The following AFF4 variants were observed in gnomAD, a reference collection of about 807,000 sequenced individuals.
AFF4 encodes the protein AF4/FMR2 family member 4.
AFF4 carries 13 observed loss-of-function variants against 124.8 expected under a neutral mutation model. The observed-to-expected ratio is 0.10, with a 90% CI of 0.07 to 0.17. The LOEUF (loss-of-function observed/expected upper bound fraction) is 0.17, where lower values mean the gene tolerates loss of function less well. Ranked by LOEUF, AFF4 falls within the 10% of genes least tolerant of loss-of-function variation. AFF4 has a pLI of 1.00. For missense variants in AFF4, 1,092 were observed against 1,403.8 expected (o/e 0.78, Z 3.55); for synonymous variants, 477 against 496.1 (o/e 0.96, Z 0.51).
chr5:132,956,633 GAAAA>G (rs745801334), intron 1 of AFF4, among the ~76,000 whole-genome samples: 1 of 94,562 alleles, frequency 1.1e-5, no homozygotes, highest in Admixed American at 1.2e-4. Context: ...CTCCATCTCA[GAAAA>G]AAAAAAAAAA....
At chr5:132,891,774 C>A in intron 13 of AFF4, 1 of 261,778 alleles carries the variant, frequency 3.8e-6, no homozygotes. Flanking sequence ...CTTCCATAAC[C>A]AACTTTTCCA....
At position 132,875,759 on chromosome 5, in the gene AFF4, G is replaced by A; in HGVS notation, c.*5300C>T. 4.8e-6 allele frequency: 1 copy of A among 206,338 alleles called. No individual in the cohort carries two copies. Among genetic ancestry groups the A allele is most frequent in the East Asian group, 7.4e-5 (1 of 13,458 alleles). The allele number at this position is 206,338 out of a possible 1,614,324, so 12.8% of individuals were successfully genotyped here. A position where few individuals can be genotyped will look rare whatever the true frequency, so the allele number is the denominator to read the frequency against. On this transcript the variant is annotated 3_prime_UTR_variant, in exon 21 of 21. Coordinates refer to ENST00000265343, the MANE Select transcript of AFF4 (RefSeq NM_014423.4). ...TGAGCCCCAAAGTACCTCTGAAATTGTAATGTATTGCAACAAATAAAAATC... is the reference window on the plus strand; with the variant it reads ...TGAGCCCCAAAGTACCTCTGAAATTATAATGTATTGCAACAAATAAAAATC...
At position 132,897,071 on chromosome 5, in the gene AFF4, C is replaced by A. The variant is rs758589934; in HGVS notation, c.1559G>T (p.Gly520Val). Residue 520 changes from glycine to valine, a missense_variant, in exon 11 of 21, where the codon GGA (glycine) becomes GTA (valine). Transcript: ENST00000265343. ...AGTAGCGGAACTCGTTTCTTTAGGT[C>A]CACTTGTATCAGTGTAGCTATTCCC... ...GTGNSYTDTS[G>V]PKETSSATPG... The A allele has an allele frequency of 8.1e-6, 13 of 1,614,150 alleles. No individual in the cohort carries two copies. Among genetic ancestry groups the A allele is most frequent in the Non-Finnish European group, 9.3e-6 (11 of 1,180,020 alleles).
At chr5:132,916,039 G>A (rs955771310) in intron 5 of AFF4, among the ~76,000 whole-genome samples, 2 of 151,850 alleles carry the variant, frequency 1.3e-5, no homozygotes, top group East Asian at 1.9e-4. Flanking sequence ...TGGATCACGA[G>A]TTCAGGACCA....
Position 132,886,379 on chromosome 5 carries a change from G to A in AFF4, c.3030C>T (p.Tyr1010=). The change falls in exon 18 of 21, where the codon TAC becomes TAT. Residue 1010 remains tyrosine, a synonymous_variant. Coordinates refer to ENST00000265343, the MANE Select transcript of AFF4 (RefSeq NM_014423.4). The part of the protein sequence containing the change: ...VLCLRCESLL[Y]LRLFKLKKEN... ...CCTTCTTCAGTTTGAACAGCCTCAG[G>A]TACAGCAAAGACTCGCATCGCAGGC... The A allele has an allele frequency of 6.2e-7, 1 of 1,614,110 alleles. No homozygotes were observed. Among genetic ancestry groups the A allele is most frequent in the Non-Finnish European group, 8.5e-7 (1 of 1,180,032 alleles).
At chr5:132,912,158 T>C (rs572620669) in intron 5 of AFF4, among the ~76,000 whole-genome samples, 1 of 139,556 alleles carries the variant, frequency 7.2e-6, no homozygotes, top group South Asian at 2.3e-4. Context: ...TTCGAGATTG[T>C]CTCTACTAAA....
chr5:132,909,665 ACTC>A (rs200312456), intron 5 of AFF4, among the ~76,000 whole-genome samples: 1,701 of 152,072 alleles, frequency 0.011, 13 homozygotes, highest in South Asian at 0.03. Flanking sequence ...ATTCAGATTC[ACTC>A]CTCATTTCAT....
chr5:132,947,591 T>G (rs1475150504), intron 1 of AFF4, among the ~76,000 whole-genome samples: 1 of 152,144 alleles, frequency 6.6e-6, no homozygotes, highest in Non-Finnish European at 1.5e-5. Context: ...ACTCTGAAAG[T>G]CAAAATGAGA....
In AFF4 at chr5:132,912,789, T is replaced by C. The variant is rs1293880918; in HGVS notation, c.1051-8385A>G. ...GGGAGAAATGCAAGTATAATGACAA[T>C]AGGGTCTTATACAGCAGAAAAGGAT... is the stretch of plus-strand genomic sequence containing the variant. On this transcript the variant is annotated intron_variant, in intron 5 of 20. Coordinates refer to ENST00000265343, the MANE Select transcript of AFF4 (RefSeq NM_014423.4). Among the ~76,000 whole-genome samples, 5 of 151,692 alleles carry C rather than the reference T, an allele frequency of 3.3e-5. No individual in the cohort carries two copies. The South Asian group carries it at 8.3e-4, about 25-fold the overall frequency.
Position 132,963,586 on chromosome 5 carries a change from T to C in AFF4, c.-332A>G. 1 of 397,544 alleles carries C rather than the reference T, an allele frequency of 2.5e-6. No individual in the cohort carries two copies. Among genetic ancestry groups the C allele is most frequent in the Non-Finnish European group, 4.4e-6 (1 of 225,406 alleles). 24.6% of individuals were successfully genotyped at this position (397,544 alleles called of 1,614,324 possible). The stretch of plus-strand genomic sequence containing the variant: ...GCACCAGGATCCCCGCCCCGTCCGC[T>C]GGCGGCGGCGACGGCAGCTGGACTC... On this transcript the variant is annotated 5_prime_UTR_variant, in exon 1 of 21. Coordinates refer to ENST00000265343, the MANE Select transcript of AFF4 (RefSeq NM_014423.4).
chr5:132,944,377 T>C (rs1443106355), intron 1 of AFF4, among the ~76,000 whole-genome samples: 1 of 150,140 alleles, frequency 6.7e-6, no homozygotes, highest in Non-Finnish European at 1.5e-5. Context: ...TCAGGCACGG[T>C]GGTTCACACC....
At chr5:132,956,831 C>A (rs1761970748) in intron 1 of AFF4, among the ~76,000 whole-genome samples, 1 of 151,036 alleles carries the variant, frequency 6.6e-6, no homozygotes, top group African/African-American at 2.4e-5. Context: ...ACCAGCCTGA[C>A]CAACATGGTG....
chr5:132,890,368 C>CCCCT (rs895063840), intron 13 of AFF4, among the ~76,000 whole-genome samples: 2 of 151,900 alleles, frequency 1.3e-5, no homozygotes, highest in African/African-American at 4.8e-5. Context: ...CTCCTGGGCT[C>CCCCT]AAGCGATCCT....
At chr5:132,914,729 C>CTCTA (rs1356713309) in intron 5 of AFF4, among the ~76,000 whole-genome samples, 1 of 151,944 alleles carries the variant, frequency 6.6e-6, no homozygotes, top group East Asian at 1.9e-4. Flanking sequence ...AACTGACAAT[C>CTCTA]TCTAGCCAGG....
chr5:132,930,027 T>G (rs1014412321), intron 4 of AFF4, among the ~76,000 whole-genome samples: 1 of 152,210 alleles, frequency 6.6e-6, no homozygotes, highest in African/African-American at 2.4e-5. Flanking sequence ...AAATTAGAGA[T>G]ATTTAGGATT....
At position 132,897,077 on chromosome 5, in the gene AFF4, G is replaced by T. The variant is rs748693344; in HGVS notation, c.1553C>A (p.Thr518Lys). 3 of 1,614,028 alleles carry T rather than the reference G, an allele frequency of 1.9e-6. No individual in the cohort carries two copies. Among genetic ancestry groups the T allele is most frequent in the Admixed American group, 1.7e-5 (1 of 59,996 alleles). ...EQGTGNSYTDTSGPKETSSAT... is the reference protein window; with the variant it reads ...EQGTGNSYTDKSGPKETSSAT... ...GGAACTCGTTTCTTTAGGTCCACTT[G>T]TATCAGTGTAGCTATTCCCAGTGCC... Residue 518 changes from threonine to lysine, a missense_variant, in exon 11 of 21, where the codon ACA (threonine) becomes AAA (lysine). By Grantham distance (78) the Thr-to-Lys change is moderately conservative. Coordinates refer to ENST00000265343, the MANE Select transcript of AFF4 (RefSeq NM_014423.4).
intron 1 of AFF4, among the ~76,000 whole-genome samples, chr5:132,960,528 A>G (rs1163600599): frequency 6.6e-6 from 1 of 152,236 alleles, no homozygotes; most frequent in Admixed American, 6.5e-5. Flanking sequence ...TCTCAGGTAC[A>G]CATAAAACTA....
intron 1 of AFF4, among the ~76,000 whole-genome samples, chr5:132,939,022 G>A (rs1581323298): frequency 7.3e-6 from 1 of 137,002 alleles, no homozygotes; most frequent in Non-Finnish European, 1.5e-5. Context: ...AGGATCGCTT[G>A]ACCTGCCTAG....
intron 1 of AFF4, among the ~76,000 whole-genome samples, chr5:132,955,131 T>C (rs974657741): frequency 1.3e-5 from 2 of 152,276 alleles, no homozygotes; most frequent in Admixed American, 6.5e-5. Context: ...CTCCAACCCA[T>C]AGTCTCCGGT....
Sources: gnomAD v4.1 joint callset for allele counts (sites outside exome capture counted in the v4.1 genomes callset) on GRCh38, gnomAD v4.1.1 for gene constraint, MANE v1.5 for transcripts, NCBI Gene and HGNC (gene_info 2026-07-23, HGNC 2026-07-21) for gene names.